The following PLEKHA8 variants were observed in gnomAD, a reference collection of about 807,000 sequenced individuals.
The protein encoded by PLEKHA8 is pleckstrin homology domain-containing family A member 8.
In PLEKHA8, 36 loss-of-function variants were observed where a neutral mutation model predicts 68.2. That is an observed-to-expected ratio of 0.53 (90% CI 0.40 to 0.70). PLEKHA8 has a LOEUF of 0.70. PLEKHA8 is among the 30% of genes least tolerant of loss of function. The pLI, the probability that PLEKHA8 is intolerant of heterozygous loss-of-function variation, is 0.00. For synonymous variants in PLEKHA8, 211 were observed against 216.1 expected (o/e 0.98, Z 0.20); for missense variants, 505 against 615.4 (o/e 0.82, Z 1.90).
chr7:30,074,122 G>C lies in PLEKHA8; in HGVS notation c.1352G>C (p.Gly451Ala). ...LRQHHGWVVR[G>A]VFALALRAAP... ...CAACACCATGGCTGGGTAGTTCGAG[G>C]GGTTTTTGCGGTAAGTGATCCTTCT... The change falls in exon 13 of 14, where the codon GGG becomes GCG. Residue 451 changes from glycine (G) to alanine (A), a missense_variant. Transcript: ENST00000449726. The C allele has an allele frequency of 6.2e-7, 1 of 1,613,028 alleles. No individual in the cohort carries two copies. The highest frequency in any genetic ancestry group is 1.1e-5 in the South Asian group (1 of 91,026).
In PLEKHA8 at chr7:30,083,160, G is replaced by A. The variant is rs1012105209; in HGVS notation, c.*4373G>A. On this transcript the variant is annotated 3_prime_UTR_variant, in exon 14 of 14. Coordinates refer to ENST00000449726, the MANE Select transcript of PLEKHA8 (RefSeq NM_001197026.2). ...TTTGGTCTTAGAGGGCCTGACTTCA[G>A]ATACTCTTTGTGATCTTGTAAGGGC... 1 of 983,304 alleles carries A rather than the reference G, an allele frequency of 1.0e-6. No individual in the cohort carries two copies. The highest frequency in any genetic ancestry group is 1.8e-5 in the African/African-American group (1 of 57,066). The allele number at this position is 983,304 out of a possible 1,614,324, so 60.9% of individuals were successfully genotyped here.
chr7:30,045,031 A>T (rs1791837918), intron 1 of PLEKHA8, 54 bp from the exon 2 acceptor site: 1 of 1,230,520 alleles, frequency 8.1e-7, no homozygotes, highest in Non-Finnish European at 1.2e-6. Context: ...GTATCTTGGG[A>T]GGTAGTTCAT....
chr7:30,094,490 G>A (rs1428557158), downstream of PLEKHA8, among the ~76,000 whole-genome samples: 1 of 151,568 alleles, frequency 6.6e-6, no homozygotes, highest in African/African-American at 2.4e-5. Flanking sequence ...TGGCCAGGCT[G>A]GTCTCGAACT....
Position 30,054,714 on chromosome 7 carries a change from G to A in PLEKHA8, c.802G>A (p.Gly268Ser), listed in dbSNP as rs1011053991. 5 of 1,578,538 alleles carry A rather than the reference G, an allele frequency of 3.2e-6. No individual in the cohort carries two copies. In the African/African-American group the frequency reaches 4.1e-5, roughly 13 times the overall value. The change falls in exon 8 of 14, where the codon GGT becomes AGT. Residue 268 changes from glycine to serine, a missense_variant. Physicochemically the swap from Gly to Ser is moderately conservative, Grantham distance 56. Transcript: ENST00000449726. ...ENTDDNITVQGEIRKEDGMEN... is the reference protein window; with the variant it reads ...ENTDDNITVQSEIRKEDGMEN... Reference sequence around the variant, plus strand: ...AGATATTTTCTACTTTGCAGTCCAAGGTGAAATAAGGAAGGAAGATGGAAT... The same window carrying A: ...AGATATTTTCTACTTTGCAGTCCAAAGTGAAATAAGGAAGGAAGATGGAAT...
intron 13 of PLEKHA8, among the ~76,000 whole-genome samples, chr7:30,116,458 A>G (rs191843828): frequency 5.3e-5 from 8 of 152,254 alleles, no homozygotes; most frequent in Non-Finnish European, 1.0e-4. Context: ...ACAACTGAAG[A>G]AAAACTTCTG....
In PLEKHA8 at chr7:30,084,407, A is replaced by G. The variant is rs1224864420; in HGVS notation, c.*5620A>G. ...GGCAAGTTAAACTATAAAAGTGTCAAGTGGCTTGTTAACTTCTTAATTTAA... is the reference window on the plus strand; with the variant it reads ...GGCAAGTTAAACTATAAAAGTGTCAGGTGGCTTGTTAACTTCTTAATTTAA... On this transcript the variant is annotated 3_prime_UTR_variant, in exon 14 of 14. Transcript: ENST00000449726. The G allele has an allele frequency of 2.0e-6, 2 of 985,282 alleles. No individual in the cohort carries two copies. The highest frequency in any genetic ancestry group is 6.2e-5 in the Admixed American group (1 of 16,256). The allele number at this position is 985,282 out of a possible 1,614,324, so 61.0% of individuals were successfully genotyped here. A position where few individuals can be genotyped will look rare whatever the true frequency, so the allele number is the denominator to read the frequency against.
chr7:30,066,451 G>C (rs1051574825), intron 12 of PLEKHA8, among the ~76,000 whole-genome samples: 1 of 152,170 alleles, frequency 6.6e-6, no homozygotes, highest in Non-Finnish European at 1.5e-5. Context: ...CCATCACTTG[G>C]CTTCCCCATA....
chr7:30,033,001 C>A (rs1790780958), intron 1 of PLEKHA8, among the ~76,000 whole-genome samples: 1 of 152,222 alleles, frequency 6.6e-6, no homozygotes. Flanking sequence ...TGTTTCCCCT[C>A]AGGTGGAGGA....
chr7:30,083,369 T>G lies in PLEKHA8; in HGVS notation c.*4582T>G. The G allele has an allele frequency of 5.1e-6, 5 of 984,206 alleles. No homozygotes were observed. Among genetic ancestry groups the G allele is most frequent in the Non-Finnish European group, 6.0e-6 (5 of 828,800 alleles). The allele number at this position is 984,206 out of a possible 1,614,324, so 61.0% of individuals were successfully genotyped here. A position where few individuals can be genotyped will look rare whatever the true frequency, so the allele number is the denominator to read the frequency against. Reference sequence around the variant, plus strand: ...CTGTCTAATGGTATTTTAAGACTGTTTATCTGTATCACAACGTCATTAGGA... The same window carrying G: ...CTGTCTAATGGTATTTTAAGACTGTGTATCTGTATCACAACGTCATTAGGA... On this transcript the variant is annotated 3_prime_UTR_variant, in exon 14 of 14. Transcript: ENST00000449726.
rs142859481 is a variant in PLEKHA8, at chr7:30,053,021, CA to C, written c.796+157del. Among the ~76,000 whole-genome samples the C allele has an allele frequency of 3.8e-3, 574 of 152,264 alleles. 5 individuals are homozygous for C. The highest frequency in any genetic ancestry group is 0.013 in the African/African-American group (538 of 41,556). ...GGGTAAGATAAGTCATATGACTGAA[CA>C]ACATTCTTTCATCCAATCTGACCTG... On this transcript the variant is annotated intron_variant, in intron 7 of 13. Transcript: ENST00000449726.
At chr7:30,127,798 CA>C (rs1334024169) in intron 13 of PLEKHA8, among the ~76,000 whole-genome samples, 2 of 152,126 alleles carry the variant, frequency 1.3e-5, no homozygotes, top group African/African-American at 4.8e-5. Context: ...GGATATTAAC[CA>C]ATTTTACATC....
chr7:30,110,251 T>C (rs1020864429), intron 13 of PLEKHA8, among the ~76,000 whole-genome samples: 1 of 152,232 alleles, frequency 6.6e-6, no homozygotes, highest in African/African-American at 2.4e-5. Context: ...GGACTTTTCA[T>C]ATAAATGGAA....
At chr7:30,054,684 G>A in intron 7 of PLEKHA8, 25 bp from the exon 8 acceptor site, 1 of 1,452,220 alleles carries the variant, frequency 6.9e-7, no homozygotes, top group Non-Finnish European at 9.3e-7. Flanking sequence ...TAATAGGTTA[G>A]TAATAGATAT....
intron 12 of PLEKHA8, chr7:30,072,221 T>G (rs978970698): frequency 3.3e-5 from 5 of 152,264 alleles, no homozygotes; most frequent in African/African-American, 1.2e-4. Context: ...CTGCTTTAGC[T>G]TTAACACACT....
intron 1 of PLEKHA8, among the ~76,000 whole-genome samples, chr7:30,036,511 A>G (rs998084641): frequency 1.3e-5 from 2 of 152,176 alleles, no homozygotes; most frequent in African/African-American, 4.8e-5. Context: ...TGTCCTTAAG[A>G]TGACATACCT....
intron 1 of PLEKHA8, 61 bp from the exon 2 acceptor site, chr7:30,045,024 T>C (rs1200170690): frequency 8.6e-7 from 1 of 1,167,030 alleles, no homozygotes; most frequent in Non-Finnish European, 1.2e-6. Context: ...TATTTCTGTA[T>C]CTTGGGAGGT....
At chr7:30,099,227 A>T (rs1312092480) in intron 13 of PLEKHA8, among the ~76,000 whole-genome samples, 1 of 152,204 alleles carries the variant, frequency 6.6e-6, no homozygotes, top group Admixed American at 6.5e-5. Flanking sequence ...AAGTGTCTCC[A>T]CACCAAGCAA....
At chr7:30,095,312 A>C (rs556319189), downstream of PLEKHA8, among the ~76,000 whole-genome samples, 4 of 152,376 alleles carry the variant, frequency 2.6e-5, no homozygotes, top group South Asian at 8.3e-4. Context: ...TTTTGGCTAC[A>C]TAAATGTCTT....
chr7:30,122,492 C>T (rs549218509), intron 13 of PLEKHA8, among the ~76,000 whole-genome samples: 2 of 152,298 alleles, frequency 1.3e-5, no homozygotes, highest in African/African-American at 4.8e-5. Context: ...TAGTACCTTG[C>T]ACTTGTATGT....
Sources: allele counts gnomAD v4.1 joint callset (sites outside exome capture counted in the v4.1 genomes callset), GRCh38; gene constraint gnomAD v4.1.1; transcripts MANE v1.5; gene names NCBI Gene and HGNC (gene_info 2026-07-23, HGNC 2026-07-21).